COL2A1: variants seen among roughly 807,000 people sequenced by gnomAD.
COL2A1 encodes collagen alpha-1(II) chain.
A neutral mutation model predicts 204.5 loss-of-function variants in COL2A1; 28 were observed. That is an observed-to-expected ratio of 0.14 (90% CI 0.10 to 0.19). COL2A1 has a LOEUF of 0.19. COL2A1 is among the 10% of genes least tolerant of loss of function. COL2A1 has a pLI of 1.00. For synonymous variants in COL2A1, 708 were observed against 718.7 expected, an observed-to-expected ratio of 0.99 and a Z score of 0.24; for missense variants, 1,388 against 2,027.5, an observed-to-expected ratio of 0.68 and a Z score of 6.06.
In COL2A1 at chr12:47,997,645, A is replaced by AG. The variant is rs1592235241; in HGVS notation, c.491dup (p.Gly165TrpfsTer24). 1 of 1,613,724 alleles carries AG rather than the reference A, an allele frequency of 6.2e-7. No homozygotes were observed. The highest frequency in any genetic ancestry group is 8.5e-7 in the Non-Finnish European group (1 of 1,179,844). The stretch of plus-strand genomic sequence containing the variant: ...GGGGACCAGGGGGGCCGGGAGGACC[A>AG]GGGGGGCCAGGATTTCCAGGGGTCC... On this transcript the variant is annotated frameshift_variant, in exon 7 of 54. Transcript: ENST00000380518. LOFTEE classifies it high-confidence loss of function.
At position 47,998,451 on chromosome 12, in the gene COL2A1, G is replaced by A; in HGVS notation, c.293-20C>T. The A allele has an allele frequency of 6.2e-7, 1 of 1,609,764 alleles. No individual in the cohort carries two copies. The highest frequency in any genetic ancestry group is 8.5e-7 in the Non-Finnish European group (1 of 1,176,970). ...GTTGCCCTGCAAGGGAAAAAATATA[G>A]AGAAGAAGAAGGTAAGAATCTTGAG... On this transcript the variant is annotated intron_variant, in intron 2 of 53. Transcript: ENST00000380518.
At position 47,973,235 on chromosome 12, in the gene COL2A1, G is replaced by T; in HGVS notation, c.*172C>A. On this transcript the variant is annotated 3_prime_UTR_variant, in exon 54 of 54. Transcript: ENST00000380518. ...GAGATTTTATTTTGCAGTCTGCCCAGTTCAGGTCTCTTAGAAAGAGAGGGG... is the reference window on the plus strand; with the variant it reads ...GAGATTTTATTTTGCAGTCTGCCCATTTCAGGTCTCTTAGAAAGAGAGGGG... 1.2e-6 allele frequency: 1 copy of T among 816,218 alleles called. No individual in the cohort carries two copies. Among genetic ancestry groups the T allele is most frequent in the Non-Finnish European group, 2.1e-6 (1 of 467,730 alleles). The allele number at this position is 816,218 out of a possible 1,614,324, so 50.6% of individuals were successfully genotyped here.
chr12:47,984,263 C>A, intron 28 of COL2A1, 123 bp from the exon 29 acceptor site: 1 of 914,914 alleles, frequency 1.1e-6, no homozygotes, highest in Non-Finnish European at 1.8e-6. Context: ...CCCAGCTGAG[C>A]TCCATTTCCA....
chr12:47,987,792 C>T lies in COL2A1; in HGVS notation c.1123-83G>A, dbSNP rs1475769793. On this transcript the variant is annotated intron_variant, in intron 18 of 53. Transcript: ENST00000380518. This position sits in a 1 kb window ranked among gnomAD's most constrained non-coding sequence, Gnocchi z 4.1. ...TGGGTGGGCAATAGCTCAGGGCCAG[C>T]TGCAAGCACAGCACTAAATTATGCA... The T allele has an allele frequency of 2.9e-5, 30 of 1,045,206 alleles. No individual in the cohort carries two copies. The highest frequency in any genetic ancestry group is 3.9e-5 in the Admixed American group (2 of 51,318). The allele number at this position is 1,045,206 out of a possible 1,614,324, so 64.7% of individuals were successfully genotyped here.
rs1221501496 is a variant in COL2A1 at position 47,976,954 on chromosome 12, A to G, written c.3328-35T>C. ...AGACAGACACCGATTGAGTCAGGTC[A>G]GGGCCAGGACAGGAGCCCCCTCCTG... On this transcript the variant is annotated intron_variant, in intron 47 of 53. Transcript: ENST00000380518. The surrounding 1 kb of genome is among the most constrained non-coding windows in gnomAD (Gnocchi z 4.3). 6.4e-7 allele frequency: 1 copy of G among 1,567,712 alleles called. No individual in the cohort carries two copies. Among genetic ancestry groups the G allele is most frequent in the African/African-American group, 1.3e-5 (1 of 74,110 alleles).
chr12:47,975,242 T>G lies in COL2A1; in HGVS notation c.3886+75A>C, dbSNP rs56196515. The G allele has an allele frequency of 0.069, 107,608 of 1,569,698 alleles. 4,224 individuals are homozygous for G. Among genetic ancestry groups the G allele is most frequent in the Non-Finnish European group, 0.08 (92,206 of 1,149,508 alleles). The stretch of plus-strand genomic sequence containing the variant: ...CAGCTCTGCCCTGTACTAGGGGGCA[T>G]CTCCTCCCTTGCTGCTAGGCCTAAG... On this transcript the variant is annotated intron_variant, in intron 51 of 53. Transcript: ENST00000380518.
At chr12:47,992,419 T>C (rs1001719099) in intron 16 of COL2A1, among the ~76,000 whole-genome samples, 12 of 152,206 alleles carry the variant, frequency 7.9e-5, no homozygotes, top group African/African-American at 2.9e-4. Flanking sequence ...GAAGTGCCTA[T>C]GGAATGGTGG....
intron 2 of COL2A1, chr12:47,998,640 G>T: frequency 1.7e-6 from 1 of 601,972 alleles, no homozygotes; most frequent in South Asian, 2.2e-5. Flanking sequence ...GAGGAATGGA[G>T]GTGACCCAGA....
rs375253238 is a variant in COL2A1 at position 47,980,946 on chromosome 12, G to T, written c.2486C>A (p.Pro829His). ...CCCAGCAAATCCCGCTGGTCCGGGG[G>T]GCCCAGTCTCTCCACGTTCACCCTG... is the stretch of plus-strand genomic sequence containing the variant. ...GAPGERGETG[P>H]PGPAGFAGPP... The change falls in exon 38 of 54, where the codon CCC becomes CAC. Residue 829 changes from proline (P) to histidine (H), a missense_variant. By Grantham distance (77) the Pro-to-His change is moderately conservative. Coordinates refer to ENST00000380518, the MANE Select transcript of COL2A1 (RefSeq NM_001844.5). The surrounding 1 kb of genome is among the most constrained non-coding windows in gnomAD (Gnocchi z 4.5). 10 of 1,552,340 alleles carry T rather than the reference G, an allele frequency of 6.4e-6. No individual in the cohort carries two copies. Among genetic ancestry groups the T allele is most frequent in the Non-Finnish European group, 8.7e-6 (10 of 1,147,592 alleles).
chr12:47,975,673 G>T (rs1056401578), intron 50 of COL2A1, 68 bp from the exon 51 acceptor site: 8 of 1,531,468 alleles, frequency 5.2e-6, no homozygotes, highest in Non-Finnish European at 6.2e-6. Flanking sequence ...ATCCCCATTT[G>T]CTAGAATGTA....
chr12:48,005,497 G>A (rs544428739), upstream of COL2A1: 1 of 152,222 alleles, frequency 6.6e-6, no homozygotes, highest in East Asian at 1.9e-4. Context: ...GATCCAGCTG[G>A]CGAGTTCTGT....
chr12:47,995,782 A>G lies in COL2A1; in HGVS notation c.655-19T>C. ...GAGGCCCCTAAAAAGTAAAATGAGGATACCAGGTCAATCCCTATAAACTGC... is the reference window on the plus strand; with the variant it reads ...GAGGCCCCTAAAAAGTAAAATGAGGGTACCAGGTCAATCCCTATAAACTGC... On this transcript the variant is annotated intron_variant, in intron 9 of 53. Coordinates refer to ENST00000380518, the MANE Select transcript of COL2A1 (RefSeq NM_001844.5). 6.2e-7 allele frequency: 1 copy of G among 1,613,840 alleles called. No individual in the cohort carries two copies.
intron 26 of COL2A1, 72 bp from the exon 27 acceptor site, chr12:47,985,165 G>A (rs1321904198): frequency 6.4e-6 from 8 of 1,256,390 alleles, no homozygotes; most frequent in East Asian, 2.4e-5. Flanking sequence ...TCCACTAAGG[G>A]CCTACATGGC....
intron 16 of COL2A1, among the ~76,000 whole-genome samples, chr12:47,991,521 G>A (rs898908584): frequency 3.3e-5 from 5 of 152,158 alleles, no homozygotes; most frequent in Admixed American, 1.3e-4. Flanking sequence ...CAGAGGCCTC[G>A]CAGAGCAGAC....
chr12:47,976,672 A>C lies in COL2A1; in HGVS notation c.3436-105T>G. On this transcript the variant is annotated intron_variant, in intron 48 of 53. Coordinates refer to ENST00000380518, the MANE Select transcript of COL2A1 (RefSeq NM_001844.5). The surrounding 1 kb of genome is among the most constrained non-coding windows in gnomAD (Gnocchi z 4.3). ...TATGTCCCAGCCCCATTCCCTTTCCACTTCCTCCTCCCTCCAGCCCTGAGG... is the reference window on the plus strand; with the variant it reads ...TATGTCCCAGCCCCATTCCCTTTCCCCTTCCTCCTCCCTCCAGCCCTGAGG... The C allele has an allele frequency of 7.2e-7, 1 of 1,390,416 alleles. No homozygotes were observed. 86.1% of individuals were successfully genotyped at this position (1,390,416 alleles called of 1,614,324 possible). A position where few individuals can be genotyped will look rare whatever the true frequency, so the allele number is the denominator to read the frequency against.
Position 47,980,572 on chromosome 12 carries a change from A to G in COL2A1, c.2607T>C (p.Ser869=). ...TACCCACCTGAGGCCCAGGTGCTCC[A>G]GAGGGGCCCTGAGGACCAGGGGCAC... ...DAGAPGPQGP[S]GAPGPQGPTG... is the part of the protein sequence containing the mutation. The change falls in exon 39 of 54, where the codon TCT becomes TCC. Residue 869 remains serine, a synonymous_variant. Coordinates refer to ENST00000380518, the MANE Select transcript of COL2A1 (RefSeq NM_001844.5). This position sits in a 1 kb window ranked among gnomAD's most constrained non-coding sequence, Gnocchi z 4.5. 6.2e-7 allele frequency: 1 copy of G among 1,611,108 alleles called. No homozygotes were observed. Among genetic ancestry groups the G allele is most frequent in the Non-Finnish European group, 8.5e-7 (1 of 1,178,928 alleles).
rs1938799246 is a variant in COL2A1 at position 47,977,648 on chromosome 12, G to A, written c.3117C>T (p.Ser1039=). Residue 1039 remains serine (S), a synonymous_variant, in exon 45 of 54, where the codon AGC becomes AGT. Transcript: ENST00000380518. The part of the protein sequence containing the change: ...GPAGEPGREG[S]PGADGPPGRD... ...TGCCAGGGGGGCCATCAGCACCGGG[G>A]CTTCCCTGGACAAAGTGAAACAAGA... The A allele has an allele frequency of 1.9e-6, 3 of 1,614,036 alleles. No homozygotes were observed. Among genetic ancestry groups the A allele is most frequent in the African/African-American group, 1.3e-5 (1 of 75,000 alleles).
intron 34 of COL2A1, 142 bp from the exon 35 acceptor site, chr12:47,982,302 G>A: frequency 1.2e-6 from 1 of 842,202 alleles, no homozygotes. Context: ...TGGGTGAGGA[G>A]CAGCAGGGGT....
chr12:47,986,309 G>A, intron 23 of COL2A1, 27 bp downstream of exon 23: 1 of 1,411,924 alleles, frequency 7.1e-7, no homozygotes, highest in Non-Finnish European at 9.8e-7. Flanking sequence ...CAGGCCCCAT[G>A]GGATGGAGCC....
Sources: allele counts gnomAD v4.1 joint callset (sites outside exome capture counted in the v4.1 genomes callset), GRCh38; gene constraint gnomAD v4.1.1; non-coding constraint Gnocchi (gnomAD v3.1); transcripts MANE v1.5; gene names NCBI Gene and HGNC (gene_info 2026-07-23, HGNC 2026-07-21).